The following PCDH9 variants were observed in gnomAD, a reference collection of about 807,000 sequenced individuals.
The protein encoded by PCDH9 is protocadherin-9.
In PCDH9, 24 loss-of-function variants were observed where a neutral mutation model predicts 70.6. The ratio of observed to expected loss-of-function variants is 0.34; its 90% CI spans 0.25 to 0.48. The LOEUF (loss-of-function observed/expected upper bound fraction) is 0.48. Ranked by LOEUF, PCDH9 falls within the 20% of genes least tolerant of loss-of-function variation. The probability of loss-of-function intolerance (pLI) is 0.99; values close to 1 mark genes in which losing one functional copy is unlikely to be tolerated. For synonymous variants in PCDH9, 562 were observed against 558.5 expected (o/e 1.01, Z -0.09); for missense variants, 1,281 against 1,503.6 (o/e 0.85, Z 2.45).
At chr13:66,426,689 C>G (rs1355761705) in intron 4 of PCDH9, among the ~76,000 whole-genome samples, 1 of 151,430 alleles carries the variant, frequency 6.6e-6, no homozygotes, top group Non-Finnish European at 1.5e-5. Flanking sequence ...AAGGCCAACA[C>G]CTTGCTAAGT....
intron 2 of PCDH9, among the ~76,000 whole-genome samples, chr13:67,063,594 T>C (rs1306996063): frequency 4.6e-5 from 7 of 151,942 alleles, no homozygotes; most frequent in Non-Finnish European, 7.4e-5. Context: ...CTCTATACTA[T>C]ACTGCCGATT....
intron 3 of PCDH9, among the ~76,000 whole-genome samples, chr13:66,900,589 G>A (rs1345498594): frequency 6.6e-6 from 1 of 151,642 alleles, no homozygotes; most frequent in African/African-American, 2.4e-5. Flanking sequence ...TTCTCTATAA[G>A]TAAGCAATAC....
chr13:66,476,889 AC>A (rs1389918341), intron 4 of PCDH9, among the ~76,000 whole-genome samples: 4 of 152,224 alleles, frequency 2.6e-5, no homozygotes, highest in African/African-American at 9.6e-5. Context: ...TAGAAACATT[AC>A]TTCTTAAGAT....
intron 2 of PCDH9, among the ~76,000 whole-genome samples, chr13:67,194,520 T>C (rs1414385127): frequency 3.9e-5 from 6 of 152,154 alleles, no homozygotes. Context: ...AAATTTATAA[T>C]TGAAGAATTT....
intron 3 of PCDH9, among the ~76,000 whole-genome samples, chr13:66,800,043 T>C (rs1254980846): frequency 1.3e-5 from 2 of 152,148 alleles, no homozygotes; most frequent in Non-Finnish European, 2.9e-5. Flanking sequence ...TTTACAATTA[T>C]AACCCATAGC....
At chr13:67,139,071 T>G (rs1447489662) in intron 2 of PCDH9, among the ~76,000 whole-genome samples, 1 of 152,188 alleles carries the variant, frequency 6.6e-6, no homozygotes, top group Non-Finnish European at 1.5e-5. Flanking sequence ...AGGGCAAAAC[T>G]CTAGTCAATC....
At chr13:66,758,422 G>A (rs1383259857) in intron 3 of PCDH9, among the ~76,000 whole-genome samples, 1 of 151,898 alleles carries the variant, frequency 6.6e-6, no homozygotes, top group Non-Finnish European at 1.5e-5. Context: ...ATTTTTAAAA[G>A]TTTTATTTTA....
intron 2 of PCDH9, among the ~76,000 whole-genome samples, chr13:67,193,176 G>T (rs2088964123): frequency 6.6e-6 from 1 of 152,002 alleles, no homozygotes; most frequent in South Asian, 2.1e-4. Flanking sequence ...CTGTACCCAG[G>T]ACAAATTTCC....
At chr13:67,156,092 G>A (rs952808945) in intron 2 of PCDH9, among the ~76,000 whole-genome samples, 6 of 152,058 alleles carry the variant, frequency 3.9e-5, no homozygotes, top group Non-Finnish European at 7.3e-5. Flanking sequence ...GCTGGGTAGA[G>A]GAAGGGTGTG....
At chr13:67,103,743 C>T (rs1256066341) in intron 2 of PCDH9, among the ~76,000 whole-genome samples, 1 of 152,104 alleles carries the variant, frequency 6.6e-6, no homozygotes, top group African/African-American at 2.4e-5. Flanking sequence ...ACAGAATACA[C>T]AGTAGAGTGG....
intron 3 of PCDH9, among the ~76,000 whole-genome samples, chr13:66,799,563 A>T (rs990298222): frequency 6.6e-6 from 1 of 152,238 alleles, no homozygotes; most frequent in Non-Finnish European, 1.5e-5. Context: ...TATAAGGACC[A>T]GTATTAATTT....
chr13:66,487,604 A>G (rs566317399), intron 4 of PCDH9, among the ~76,000 whole-genome samples: 64 of 152,268 alleles, frequency 4.2e-4, no homozygotes, highest in African/African-American at 1.5e-3. Flanking sequence ...TTATATGTCC[A>G]TAATATTATA....
At chr13:67,042,965 G>T (rs1055352409) in intron 2 of PCDH9, among the ~76,000 whole-genome samples, 8 of 152,016 alleles carry the variant, frequency 5.3e-5, no homozygotes, top group African/African-American at 1.9e-4. Context: ...TAAATTAGAG[G>T]GATTGCATAG....
At chr13:66,567,083 T>A (rs1270521751) in intron 4 of PCDH9, among the ~76,000 whole-genome samples, 1 of 152,100 alleles carries the variant, frequency 6.6e-6, no homozygotes, top group Non-Finnish European at 1.5e-5. Context: ...AAAATCAAAT[T>A]GCTTATTAGA....
At chr13:66,535,362 T>C (rs1262890827) in intron 4 of PCDH9, among the ~76,000 whole-genome samples, 2 of 152,076 alleles carry the variant, frequency 1.3e-5, no homozygotes, top group Non-Finnish European at 2.9e-5. Flanking sequence ...AGAAACAGAG[T>C]ATCACTGCAA....
intron 3 of PCDH9, among the ~76,000 whole-genome samples, chr13:66,845,423 G>A (rs1439961373): frequency 6.6e-6 from 1 of 152,284 alleles, no homozygotes; most frequent in Non-Finnish European, 1.5e-5. Context: ...CGGGAAGCAG[G>A]GAGAGGCTAA....
chr13:66,540,155 G>T (rs1337555502), intron 4 of PCDH9, among the ~76,000 whole-genome samples: 1 of 151,930 alleles, frequency 6.6e-6, no homozygotes, highest in East Asian at 1.9e-4. Flanking sequence ...GATTACAAGT[G>T]TGAGCCATTG....
chr13:67,128,857 G>A (rs2087040907), intron 2 of PCDH9, among the ~76,000 whole-genome samples: 1 of 152,026 alleles, frequency 6.6e-6, no homozygotes, highest in Non-Finnish European at 1.5e-5. Flanking sequence ...AATTTTCAGT[G>A]GTACATGAAT....
At chr13:67,190,669 T>C (rs1320524449) in intron 2 of PCDH9, among the ~76,000 whole-genome samples, 3 of 152,010 alleles carry the variant, frequency 2.0e-5, no homozygotes, top group East Asian at 3.9e-4. Flanking sequence ...AGTGCCCAAA[T>C]ACACTAATAA....
Sources: gnomAD v4.1 joint callset for allele counts (sites outside exome capture counted in the v4.1 genomes callset) on GRCh38, gnomAD v4.1.1 for gene constraint, MANE v1.5 for transcripts, NCBI Gene and HGNC (gene_info 2026-07-23, HGNC 2026-07-21) for gene names.